The following CCDC148 variants were observed in gnomAD, a reference collection of about 807,000 sequenced individuals.
CCDC148 encodes the protein coiled-coil domain-containing protein 148.
In CCDC148, 89 loss-of-function variants were observed where a neutral mutation model predicts 85.7. That is an observed-to-expected ratio of 1.04 (90% confidence interval 0.87 to 1.24). The LOEUF is 1.24. CCDC148 is among the 50% of genes most tolerant of loss of function. The probability of loss-of-function intolerance (pLI) is 0.00; values close to 1 mark genes in which losing one functional copy is unlikely to be tolerated. For synonymous variants in CCDC148, 230 were observed against 213.9 expected (o/e 1.08, Z -0.66); for missense variants, 692 against 671.7 (o/e 1.03, Z -0.33).
chr2:158,295,479 A>G (rs1441540035), intron 9 of CCDC148, among the ~76,000 whole-genome samples: 1 of 151,568 alleles, frequency 6.6e-6, no homozygotes, highest in Non-Finnish European at 1.5e-5. Flanking sequence ...TCCTCAATAA[A>G]ATACTGGCAA....
rs1487133300 is a variant in CCDC148 at position 158,282,479 on chromosome 2, C to A, written c.1110+26954G>T. 6.6e-5 allele frequency among the ~76,000 whole-genome samples: 10 copies of A among 152,122 alleles called. No homozygotes were observed. The South Asian group carries it at 1.9e-3, about 28-fold the overall frequency. Reference sequence around the variant, plus strand: ...AAAAATCACAAGCATTCCCATACACCAATAACAGACCAACAGAGAGCCAAA... The same window carrying A: ...AAAAATCACAAGCATTCCCATACACAAATAACAGACCAACAGAGAGCCAAA... On this transcript the variant is annotated intron_variant, in intron 9 of 13. Transcript: ENST00000283233.
At chr2:158,448,827 T>TTG (rs1559152531) in intron 1 of CCDC148, among the ~76,000 whole-genome samples, 1 of 151,966 alleles carries the variant, frequency 6.6e-6, no homozygotes, top group Non-Finnish European at 1.5e-5. Flanking sequence ...TGTTGTTGTT[T>TTG]TTGTTTGTTT....
intron 9 of CCDC148, chr2:158,288,709 C>T (rs1424089029): frequency 1.6e-5 from 6 of 380,558 alleles, no homozygotes; most frequent in Non-Finnish European, 2.6e-5. Context: ...CTGTTCCAAC[C>T]TCTGCCTGAT....
chr2:158,398,444 G>A (rs188830311), intron 1 of CCDC148, among the ~76,000 whole-genome samples: 25 of 151,868 alleles, frequency 1.6e-4, no homozygotes, highest in East Asian at 7.7e-4. Flanking sequence ...AATGCAGTGC[G>A]ATCAAATTAG....
rs1347823969 is a variant in CCDC148, at chr2:158,234,947, A to G, written c.1252-14234T>C. 2.0e-5 allele frequency among the ~76,000 whole-genome samples: 3 copies of G among 152,118 alleles called. No homozygotes were observed. In the East Asian group the frequency reaches 5.8e-4, roughly 29 times the overall value. ...AAATTATCTACAATGGACATAAAAT[A>G]CTTTATAATTACACAATGGGGCCTT... On this transcript the variant is annotated intron_variant, in intron 10 of 13. Coordinates refer to ENST00000283233, the MANE Select transcript of CCDC148 (RefSeq NM_138803.4).
intron 1 of CCDC148, among the ~76,000 whole-genome samples, chr2:158,421,282 C>T (rs150857636): frequency 0.17 from 25,310 of 152,052 alleles, 2,266 homozygotes; most frequent in Middle Eastern, 0.21. Context: ...CAACAGAATA[C>T]ACATTCTTCT....
intron 10 of CCDC148, among the ~76,000 whole-genome samples, chr2:158,239,283 AG>A (rs1051796529): frequency 1.5e-4 from 23 of 151,156 alleles, no homozygotes; most frequent in Non-Finnish European, 2.8e-4. Flanking sequence ...CTGATTATCC[AG>A]GCTTTCTCTC....
chr2:158,335,200 T>C (rs10181695), intron 7 of CCDC148, among the ~76,000 whole-genome samples: 25,598 of 152,074 alleles, frequency 0.17, 3,476 homozygotes, highest in African/African-American at 0.38. Context: ...CTGCCAGCAG[T>C]AACGTCAGCC....
At chr2:158,297,946 T>C (rs974535054) in intron 9 of CCDC148, among the ~76,000 whole-genome samples, 1 of 152,230 alleles carries the variant, frequency 6.6e-6, no homozygotes, top group Non-Finnish European at 1.5e-5. Flanking sequence ...AATAAAGATA[T>C]ACCCAAGACC....
intron 9 of CCDC148, among the ~76,000 whole-genome samples, chr2:158,285,152 G>A (rs1202795421): frequency 6.6e-6 from 1 of 151,998 alleles, no homozygotes; most frequent in Admixed American, 6.6e-5. Context: ...GCCAGGTATG[G>A]TGGTGGGTGC....
chr2:158,240,623 A>G (rs1384757767), intron 10 of CCDC148, among the ~76,000 whole-genome samples: 1 of 152,040 alleles, frequency 6.6e-6, no homozygotes, highest in Admixed American at 6.6e-5. Context: ...CCTCTCTGCT[A>G]TGTGCTGGCT....
intron 1 of CCDC148, among the ~76,000 whole-genome samples, chr2:158,397,873 A>C (rs566981176): frequency 6.6e-6 from 1 of 152,300 alleles, no homozygotes; most frequent in South Asian, 2.1e-4. Flanking sequence ...AGTGTGCTGT[A>C]TTCAAGGGAC....
chr2:158,330,688 CCT>C (rs1432108955), intron 7 of CCDC148, among the ~76,000 whole-genome samples: 1 of 152,056 alleles, frequency 6.6e-6, no homozygotes, highest in Non-Finnish European at 1.5e-5. Flanking sequence ...AATTTCAGAG[CCT>C]GTTATTGGTC....
At chr2:158,251,920 T>C (rs1319887235) in intron 9 of CCDC148, among the ~76,000 whole-genome samples, 1 of 151,816 alleles carries the variant, frequency 6.6e-6, no homozygotes, top group African/African-American at 2.4e-5. Context: ...AATTATTCTT[T>C]AAACCTTTCT....
chr2:158,261,438 C>A (rs75031698), intron 9 of CCDC148, among the ~76,000 whole-genome samples: 1 of 152,042 alleles, frequency 6.6e-6, no homozygotes, highest in East Asian at 1.9e-4. Context: ...CTAGGCAATA[C>A]CATCCTGCAC....
intron 9 of CCDC148, among the ~76,000 whole-genome samples, chr2:158,260,620 A>T (rs1209507361): frequency 6.6e-6 from 1 of 151,988 alleles, no homozygotes; most frequent in African/African-American, 2.4e-5. Context: ...AAAAACCCAT[A>T]GTCTCAGCCC....
intron 9 of CCDC148, among the ~76,000 whole-genome samples, chr2:158,281,731 A>G (rs530843847): frequency 3.3e-5 from 5 of 152,194 alleles, no homozygotes; most frequent in African/African-American, 1.2e-4. Flanking sequence ...CTTCTGAAAC[A>G]ATTCCAATCA....
chr2:158,327,122 T>C (rs900005245), intron 7 of CCDC148, among the ~76,000 whole-genome samples: 2 of 152,106 alleles, frequency 1.3e-5, no homozygotes, highest in African/African-American at 2.4e-5. Flanking sequence ...TAAAAATAAA[T>C]CAGTGTATAC....
At chr2:158,223,854 A>G (rs1361199685) in intron 10 of CCDC148, among the ~76,000 whole-genome samples, 3 of 152,188 alleles carry the variant, frequency 2.0e-5, no homozygotes, top group African/African-American at 7.2e-5. Context: ...GGTAGATAAA[A>G]CCACAAAGAT....
Sources: allele counts gnomAD v4.1 joint callset (sites outside exome capture counted in the v4.1 genomes callset), GRCh38; gene constraint gnomAD v4.1.1; transcripts MANE v1.5; gene names NCBI Gene and HGNC (gene_info 2026-07-23, HGNC 2026-07-21).